Variants in ASTN2 observed in about 807,000 individuals in gnomAD.
The protein encoded by ASTN2 is astrotactin 2, also known as astrotactin-2.
In ASTN2, 54 loss-of-function variants were observed where a neutral mutation model predicts 139.8. The ratio of observed to expected loss-of-function variants is 0.39; its 90% confidence interval spans 0.31 to 0.48. The LOEUF (loss-of-function observed/expected upper bound fraction) is 0.48. Among genes scored for constraint, ASTN2 ranks in the 20% least tolerant of loss-of-function variants. The pLI is 0.95. For missense variants in ASTN2, 1,565 were observed against 1,725.1 expected, an observed-to-expected ratio of 0.91 and a Z score of 1.64; for synonymous variants, 756 against 719.5, an observed-to-expected ratio of 1.05 and a Z score of -0.81.
At chr9:116,915,550 C>G (rs551638602) in intron 10 of ASTN2, among the ~76,000 whole-genome samples, 58 of 152,244 alleles carry the variant, frequency 3.8e-4, no homozygotes, top group African/African-American at 1.3e-3. Flanking sequence ...AACTTTCAGC[C>G]TCAACTCCCC....
At chr9:116,529,533 T>C (rs1439613352) in intron 19 of ASTN2, among the ~76,000 whole-genome samples, 1 of 152,126 alleles carries the variant, frequency 6.6e-6, no homozygotes, top group Non-Finnish European at 1.5e-5. Context: ...GCTGGAATGT[T>C]GTGAAGGCAC....
chr9:116,570,959 G>A (rs888840020), intron 19 of ASTN2, among the ~76,000 whole-genome samples: 1 of 152,206 alleles, frequency 6.6e-6, no homozygotes, highest in African/African-American at 2.4e-5. Context: ...TTAAAAGGAA[G>A]AAGGAGATAC....
At chr9:117,286,458 C>T (rs1184891344) in intron 2 of ASTN2, among the ~76,000 whole-genome samples, 2 of 150,502 alleles carry the variant, frequency 1.3e-5, no homozygotes, top group East Asian at 2.0e-4. Flanking sequence ...TGCAAGCAGG[C>T]AGATCACGAG....
intron 13 of ASTN2, among the ~76,000 whole-genome samples, chr9:116,766,255 G>A (rs540361468): frequency 4.5e-4 from 68 of 151,938 alleles, no homozygotes; most frequent in African/African-American, 1.4e-3. Flanking sequence ...AAATACACAC[G>A]TGCACTGACA....
At chr9:116,514,479 A>G (rs1318649092) in intron 19 of ASTN2, among the ~76,000 whole-genome samples, 3 of 152,154 alleles carry the variant, frequency 2.0e-5, no homozygotes, top group African/African-American at 7.2e-5. Context: ...GTCTGTCTCA[A>G]CTTTCTCAGA....
At chr9:117,324,344 C>T (rs1413609289) in intron 1 of ASTN2, among the ~76,000 whole-genome samples, 1 of 152,156 alleles carries the variant, frequency 6.6e-6, no homozygotes, top group Non-Finnish European at 1.5e-5. Context: ...AATTTGTAGA[C>T]AAAGGAGGTT....
chr9:116,782,262 C>T (rs1392716234), intron 13 of ASTN2, among the ~76,000 whole-genome samples: 1 of 152,136 alleles, frequency 6.6e-6, no homozygotes. Flanking sequence ...AATGAAGCGA[C>T]AGATTTAAAA....
intron 3 of ASTN2, among the ~76,000 whole-genome samples, chr9:117,188,166 TAGAGAGAGAG>T (rs150848006): frequency 4.7e-4 from 59 of 125,728 alleles, no homozygotes; most frequent in African/African-American, 1.6e-3. Flanking sequence ...GTCTGTGTGA[TAGAGAGAGAG>T]AGAGAGAGAG....
At chr9:117,326,316 G>A (rs1446473821) in intron 1 of ASTN2, among the ~76,000 whole-genome samples, 1 of 152,144 alleles carries the variant, frequency 6.6e-6, no homozygotes, top group Non-Finnish European at 1.5e-5. Context: ...CGGAGAAAAA[G>A]AGGGTTTTGC....
chr9:116,430,022 G>A (rs758295063), intron 22 of ASTN2, among the ~76,000 whole-genome samples: 1 of 152,192 alleles, frequency 6.6e-6, no homozygotes, highest in African/African-American at 2.4e-5. Context: ...AAAGAATAGG[G>A]AGACCAGTGA....
intron 7 of ASTN2, among the ~76,000 whole-genome samples, chr9:116,987,292 G>A (rs183818401): frequency 8.5e-5 from 13 of 152,330 alleles, no homozygotes; most frequent in Non-Finnish European, 7.3e-5. Flanking sequence ...GTTTAAAAGC[G>A]TGTAGCCTTA....
At chr9:117,221,595 G>A (rs1832519957) in intron 2 of ASTN2, among the ~76,000 whole-genome samples, 1 of 151,554 alleles carries the variant, frequency 6.6e-6, no homozygotes, top group Non-Finnish European at 1.5e-5. Flanking sequence ...CCTCAGAGCT[G>A]TGAACATGCA....
intron 13 of ASTN2, among the ~76,000 whole-genome samples, chr9:116,777,260 G>A (rs1414228732): frequency 6.6e-6 from 1 of 152,096 alleles, no homozygotes; most frequent in Non-Finnish European, 1.5e-5. Flanking sequence ...CCATACAGCA[G>A]GGAAAGACCC....
intron 11 of ASTN2, among the ~76,000 whole-genome samples, chr9:116,821,400 G>C (rs1831480639): frequency 1.3e-5 from 2 of 152,118 alleles, no homozygotes; most frequent in Admixed American, 1.3e-4. Flanking sequence ...CACATAATTT[G>C]GTACTCATAA....
intron 19 of ASTN2, among the ~76,000 whole-genome samples, chr9:116,522,368 C>T (rs779609391): frequency 2.0e-5 from 3 of 152,030 alleles, no homozygotes; most frequent in Non-Finnish European, 2.9e-5. Flanking sequence ...TTCACAGTGA[C>T]TTGGATGGAA....
At chr9:116,917,676 T>TA (rs1463575235) in intron 10 of ASTN2, among the ~76,000 whole-genome samples, 1 of 152,160 alleles carries the variant, frequency 6.6e-6, no homozygotes, top group Non-Finnish European at 1.5e-5. Context: ...GACTTATAAA[T>TA]ACTGCAGAGG....
Position 117,225,537 on chromosome 9 carries a change from A to ATGTG in ASTN2, c.631-10796_631-10795insCACA, listed in dbSNP as rs1460719604. Among the ~76,000 whole-genome samples the ATGTG allele has an allele frequency of 4.6e-3, 112 of 24,414 alleles. 7 individuals are homozygous for ATGTG. Among genetic ancestry groups the ATGTG allele is most frequent in the East Asian group, 0.037 (20 of 540 alleles). The allele number at this position is 24,414 out of a possible 152,430, so 16.0% of individuals were successfully genotyped here. ...AGACCAGCCTGGCCAAGCTGTATGT[A>ATGTG]TATATATATATATATATATATATAT... On this transcript the variant is annotated intron_variant, in intron 2 of 22. Coordinates refer to ENST00000313400, the MANE Select transcript of ASTN2 (RefSeq NM_001365068.1).
intron 16 of ASTN2, among the ~76,000 whole-genome samples, chr9:116,720,547 C>A (rs886959027): frequency 6.7e-6 from 1 of 148,572 alleles, no homozygotes; most frequent in Non-Finnish European, 1.5e-5. Context: ...GTCTCCTCCT[C>A]CCCTCCCCTC....
chr9:116,799,709 G>A (rs958021073), intron 13 of ASTN2, among the ~76,000 whole-genome samples: 1 of 136,550 alleles, frequency 7.3e-6, no homozygotes, highest in African/African-American at 3.3e-5. Context: ...AAGAGAGTGG[G>A]GGGGGGGAGA....
Sources: allele counts gnomAD v4.1 joint callset (sites outside exome capture counted in the v4.1 genomes callset), GRCh38; gene constraint gnomAD v4.1.1; transcripts MANE v1.5; gene names NCBI Gene and HGNC (gene_info 2026-07-23, HGNC 2026-07-21).